RALGPS1: variants seen among roughly 807,000 people sequenced by gnomAD.
RALGPS1 encodes ras-specific guanine nucleotide-releasing factor RalGPS1.
RALGPS1 carries 19 observed loss-of-function variants against 78.8 expected under a neutral mutation model. That is an observed-to-expected ratio of 0.24 (90% confidence interval 0.17 to 0.35). The LOEUF (loss-of-function observed/expected upper bound fraction) is 0.35. Ranked by LOEUF, RALGPS1 falls within the 10% of genes least tolerant of loss-of-function variation. The probability of loss-of-function intolerance (pLI) is 1.00; values close to 1 mark genes in which losing one functional copy is unlikely to be tolerated. For missense variants in RALGPS1, 454 were observed against 688.3 expected, an observed-to-expected ratio of 0.66 and a Z score of 3.81; for synonymous variants, 228 against 256.3, an observed-to-expected ratio of 0.89 and a Z score of 1.06.
chr9:127,047,493 G>GT (rs1406157725), intron 5 of RALGPS1, among the ~76,000 whole-genome samples: 1 of 152,190 alleles, frequency 6.6e-6, no homozygotes, highest in African/African-American at 2.4e-5. Context: ...GAGGTCAGGA[G>GT]TTCGAGATCA....
chr9:127,113,335 T>G (rs2055045310), intron 8 of RALGPS1, among the ~76,000 whole-genome samples: 2 of 152,322 alleles, frequency 1.3e-5, no homozygotes, highest in South Asian at 2.1e-4. Context: ...TCTTTGAGCC[T>G]CAGAGTCATT....
intron 14 of RALGPS1, among the ~76,000 whole-genome samples, chr9:127,207,494 A>G (rs1488202517): frequency 6.6e-6 from 1 of 152,180 alleles, no homozygotes; most frequent in Non-Finnish European, 1.5e-5. Context: ...TATGTCAGTT[A>G]CCAAAAAACA....
chr9:127,136,705 CCTT>C (rs2057420059), intron 8 of RALGPS1, among the ~76,000 whole-genome samples: 1 of 152,136 alleles, frequency 6.6e-6, no homozygotes, highest in Admixed American at 6.5e-5. Flanking sequence ...CATCACCTCA[CCTT>C]CATCATCTCC....
At chr9:127,170,994 AG>A (rs2059539975) in intron 10 of RALGPS1, among the ~76,000 whole-genome samples, 1 of 152,208 alleles carries the variant, frequency 6.6e-6, no homozygotes, top group African/African-American at 2.4e-5. Context: ...TGACATCTGG[AG>A]GCTGGCTCCT....
intron 1 of RALGPS1, among the ~76,000 whole-genome samples, chr9:126,934,532 G>T (rs2131250594): frequency 6.6e-6 from 1 of 152,298 alleles, no homozygotes; most frequent in African/African-American, 2.4e-5. Flanking sequence ...AGCCCGATGG[G>T]ACTGAGGCGC....
intron 1 of RALGPS1, among the ~76,000 whole-genome samples, chr9:126,959,713 A>T (rs764774104): frequency 6.6e-6 from 1 of 151,986 alleles, no homozygotes; most frequent in Non-Finnish European, 1.5e-5. Context: ...TCATGCTGGC[A>T]TATTTGCCTT....
intron 8 of RALGPS1, among the ~76,000 whole-genome samples, chr9:127,126,751 A>G (rs778086428): frequency 1.3e-5 from 2 of 152,342 alleles, no homozygotes; most frequent in East Asian, 1.9e-4. Context: ...GATTCATTCT[A>G]TCTTTCATGT....
chr9:126,919,391 G>A (rs770757587), intron 1 of RALGPS1, among the ~76,000 whole-genome samples: 1 of 152,250 alleles, frequency 6.6e-6, no homozygotes, highest in East Asian at 1.9e-4. Context: ...TAGATTAAAG[G>A]GCAATCCATG....
At chr9:127,079,050 G>A (rs1387484935) in intron 8 of RALGPS1, among the ~76,000 whole-genome samples, 1 of 152,172 alleles carries the variant, frequency 6.6e-6, no homozygotes, top group East Asian at 1.9e-4. Context: ...TCTGACTCCA[G>A]TGCCCCAACC....
chr9:127,206,457 CA>C (rs773957346), intron 14 of RALGPS1, among the ~76,000 whole-genome samples: 6 of 152,102 alleles, frequency 3.9e-5, no homozygotes, highest in Non-Finnish European at 7.3e-5. Flanking sequence ...AAGTGCTGAG[CA>C]AAAGGGGGAA....
At chr9:127,208,976 C>T (rs7033186) in intron 14 of RALGPS1, among the ~76,000 whole-genome samples, 4,905 of 152,250 alleles carry the variant, frequency 0.032, 263 homozygotes, top group African/African-American at 0.11. Context: ...AAAAGACTCA[C>T]GAGAAGAAAA....
Position 127,206,096 on chromosome 9 carries a change from A to G in RALGPS1, c.1248-6035A>G, listed in dbSNP as rs189119020. ...TCCTGCCTGAAGATGAGAGTGAAGCATCAGAAAGTGGCCAGCATAGGCCAT... is the reference window on the plus strand; with the variant it reads ...TCCTGCCTGAAGATGAGAGTGAAGCGTCAGAAAGTGGCCAGCATAGGCCAT... On this transcript the variant is annotated intron_variant, in intron 14 of 18. Transcript: ENST00000259351. Among the ~76,000 whole-genome samples, 366 of 152,374 alleles carry G rather than the reference A, an allele frequency of 2.4e-3. 1 individual carries two copies. The highest frequency in any genetic ancestry group is 8.3e-3 in the African/African-American group (346 of 41,598).
chr9:127,015,232 G>C (rs2044707283), intron 4 of RALGPS1, among the ~76,000 whole-genome samples: 1 of 152,150 alleles, frequency 6.6e-6, no homozygotes, highest in Admixed American at 6.5e-5. Context: ...GTGCAGACCT[G>C]GATATGAATT....
At chr9:127,021,809 C>T (rs776317497) in intron 4 of RALGPS1, among the ~76,000 whole-genome samples, 10 of 152,138 alleles carry the variant, frequency 6.6e-5, no homozygotes, top group Non-Finnish European at 1.3e-4. Flanking sequence ...CGGCTGCTCT[C>T]AGTCCGCTAA....
rs1588511834 is a variant in RALGPS1 at position 127,198,937 on chromosome 9, C to A, written c.1196-78C>A. On this transcript the variant is annotated intron_variant, in intron 13 of 18. Coordinates refer to ENST00000259351, the MANE Select transcript of RALGPS1 (RefSeq NM_014636.3). ...GTGGCACTTCTGTGAGCTCAGGGGG[C>A]CTGGGCTCGGTGACCCAGGAGAACA... 6 of 1,300,916 alleles carry A rather than the reference C, an allele frequency of 4.6e-6. No homozygotes were observed. The East Asian group carries it at 1.4e-4, about 30-fold the overall frequency. 80.6% of individuals were successfully genotyped at this position (1,300,916 alleles called of 1,614,324 possible). A position where few individuals can be genotyped will look rare whatever the true frequency, so the allele number is the denominator to read the frequency against.
At chr9:127,132,998 A>G (rs921795236) in intron 8 of RALGPS1, among the ~76,000 whole-genome samples, 2 of 152,280 alleles carry the variant, frequency 1.3e-5, no homozygotes, top group East Asian at 3.9e-4. Context: ...TCACTTCTCT[A>G]TGCTTCAGTG....
chr9:127,007,205 A>G lies in RALGPS1; in HGVS notation c.217-27226A>G, dbSNP rs903924540. Among the ~76,000 whole-genome samples, 11 of 152,322 alleles carry G rather than the reference A, an allele frequency of 7.2e-5. No homozygotes were observed. In the East Asian group the frequency reaches 1.5e-3, roughly 21 times the overall value. On this transcript the variant is annotated intron_variant, in intron 4 of 18. Coordinates refer to ENST00000259351, the MANE Select transcript of RALGPS1 (RefSeq NM_014636.3). ...TGTTTTGTAATTTTTCATTGAGTAT[A>G]AAGTTGCTGTACTTAAAGAGTTAAA...
intron 14 of RALGPS1, among the ~76,000 whole-genome samples, chr9:127,208,438 G>A (rs1350501268): frequency 5.3e-5 from 8 of 152,198 alleles, no homozygotes; most frequent in Admixed American, 5.2e-4. Flanking sequence ...GTGTGGTGAG[G>A]AACTTGGGCT....
At position 127,219,033 on chromosome 9, in the gene RALGPS1, G is replaced by A. The variant is rs1564818475; in HGVS notation, c.*264G>A. 3 of 539,138 alleles carry A rather than the reference G, an allele frequency of 5.6e-6. No homozygotes were observed. In the East Asian group the frequency reaches 9.6e-5, roughly 17 times the overall value. The allele number at this position is 539,138 out of a possible 1,614,324, so 33.4% of individuals were successfully genotyped here. ...GTCAGACCCCACACGCCCTCTCTGGGCCCACCACCTGCATCTGCGACTAGA... is the reference window on the plus strand; with the variant it reads ...GTCAGACCCCACACGCCCTCTCTGGACCCACCACCTGCATCTGCGACTAGA... On this transcript the variant is annotated 3_prime_UTR_variant, in exon 19 of 19. Transcript: ENST00000259351. This position sits in a 1 kb window ranked among gnomAD's most constrained non-coding sequence, Gnocchi z 5.0.
Sources: allele counts gnomAD v4.1 joint callset (sites outside exome capture counted in the v4.1 genomes callset), GRCh38; gene constraint gnomAD v4.1.1; non-coding constraint Gnocchi (gnomAD v3.1); transcripts MANE v1.5; gene names NCBI Gene and HGNC (gene_info 2026-07-23, HGNC 2026-07-21).